Variants in AARS1 observed in about 807,000 individuals in gnomAD.
The protein encoded by AARS1 is alanyl-tRNA synthetase 1.
In AARS1, 72 loss-of-function variants were observed where a neutral mutation model predicts 108.9. The ratio of observed to expected loss-of-function variants is 0.66; its 90% CI spans 0.55 to 0.80. The LOEUF (loss-of-function observed/expected upper bound fraction) is 0.80. Among genes scored for constraint, AARS1 ranks in the 30% least tolerant of loss-of-function variants. The probability of loss-of-function intolerance (pLI) is 0.00; values close to 1 mark genes in which losing one functional copy is unlikely to be tolerated. For synonymous variants in AARS1, 489 were observed against 465.7 expected (o/e 1.05, Z -0.64); for missense variants, 1,193 against 1,233.2 (o/e 0.97, Z 0.49).
Position 70,253,250 on chromosome 16 carries a change from G to C in AARS1, c.2721+18C>G, listed in dbSNP as rs745456386. On this transcript the variant is annotated intron_variant, in intron 20 of 20. Transcript: ENST00000261772. ...CCTTAAGACCTAACACTTCCCACTG[G>C]TGCGAGGTGGTGCTGACCTGGGGAA... 3.8e-6 allele frequency: 6 copies of C among 1,580,258 alleles called. No individual in the cohort carries two copies. Among genetic ancestry groups the C allele is most frequent in the Non-Finnish European group, 5.2e-6 (6 of 1,149,648 alleles).
intron 4 of AARS1, among the ~76,000 whole-genome samples, chr16:70,274,091 T>C (rs1450212697): frequency 1.3e-5 from 2 of 150,680 alleles, no homozygotes; most frequent in Non-Finnish European, 3.0e-5. Flanking sequence ...ATCCCAGCAC[T>C]TTGGGAGGCC....
Position 70,259,004 on chromosome 16 carries a change from A to G in AARS1, c.1968T>C (p.Ala656=), listed in dbSNP as rs754924454. ...CCTTGGCTGCCTCAATCATCTCATT[A>G]GCAATCTCTTCAGCCTTCTTGATCT... ...TQQIKKAEEI[A]NEMIEAAKAV... The change falls in exon 14 of 21, where the codon GCT becomes GCC. Residue 656 remains alanine (A), a synonymous_variant. Transcript: ENST00000261772. The G allele has an allele frequency of 6.2e-7, 1 of 1,614,220 alleles. No homozygotes were observed. Among genetic ancestry groups the G allele is most frequent in the South Asian group, 1.1e-5 (1 of 91,088 alleles).
At chr16:70,262,097 C>G (rs1030872799) in intron 12 of AARS1, among the ~76,000 whole-genome samples, 4 of 152,176 alleles carry the variant, frequency 2.6e-5, no homozygotes, top group Non-Finnish European at 5.9e-5. Context: ...AGAGCTGCCT[C>G]TCCTTTTTAA....
chr16:70,264,318 C>G (rs1190815444), intron 11 of AARS1, among the ~76,000 whole-genome samples: 6 of 151,562 alleles, frequency 4.0e-5, no homozygotes, highest in Non-Finnish European at 1.5e-5. Context: ...TAATAGCATT[C>G]TTTTTCTTTT....
In AARS1 at chr16:70,261,055, A is replaced by G; in HGVS notation, c.1774T>C (p.Phe592Leu). 1.2e-6 allele frequency: 2 copies of G among 1,613,298 alleles called. No individual in the cohort carries two copies. Among genetic ancestry groups the G allele is most frequent in the Non-Finnish European group, 1.7e-6 (2 of 1,179,486 alleles). Reference sequence around the variant, plus strand: ...GTAACCCAACTCACCTCATCAATAAACAGCCAGACCTGATCCCCCACTTTC... The same window carrying G: ...GTAACCCAACTCACCTCATCAATAAGCAGCCAGACCTGATCCCCCACTTTC... ...DLKVGDQVWL[F>L]IDEPRRRPIM... The change falls in exon 13 of 21, where the codon TTT (phenylalanine) becomes CTT (leucine). Residue 592 changes from phenylalanine (F) to leucine (L), a missense_variant. Transcript: ENST00000261772.
chr16:70,280,911 T>G (rs1013356656), intron 2 of AARS1, among the ~76,000 whole-genome samples: 1 of 152,224 alleles, frequency 6.6e-6, no homozygotes, highest in East Asian at 1.9e-4. Flanking sequence ...CACCATAGCC[T>G]TGACCTCCCA....
chr16:70,272,303 G>C (rs925508165), intron 4 of AARS1, among the ~76,000 whole-genome samples: 5 of 151,774 alleles, frequency 3.3e-5, no homozygotes, highest in Admixed American at 2.0e-4. Flanking sequence ...TTGGGAGTTT[G>C]AGACCAGCCT....
At chr16:70,268,103 G>T (rs889014146) in intron 8 of AARS1, among the ~76,000 whole-genome samples, 168 bp downstream of exon 8, 2 of 152,222 alleles carry the variant, frequency 1.3e-5, no homozygotes, top group Non-Finnish European at 2.9e-5. Flanking sequence ...AGGAGACAGA[G>T]GTTGCAGTGA....
rs548985225 is a variant in AARS1, at chr16:70,275,679, C to T, written c.479+807G>A. Among the ~76,000 whole-genome samples the T allele has an allele frequency of 4.9e-4, 75 of 151,876 alleles. No individual in the cohort carries two copies. In the Middle Eastern group the frequency reaches 0.01, roughly 21 times the overall value. ...TCGGGAGGCTGAGGCAGGAGAATGG[C>T]GTGAACCTGGGAGGCGGAGCTTGCA... On this transcript the variant is annotated intron_variant, in intron 4 of 20. Transcript: ENST00000261772.
intron 7 of AARS1, among the ~76,000 whole-genome samples, chr16:70,268,748 C>T (rs961274547): frequency 6.6e-6 from 1 of 152,184 alleles, no homozygotes; most frequent in Admixed American, 6.6e-5. Flanking sequence ...AATCTCCTAT[C>T]AGGCAACTTT....
In AARS1 at chr16:70,258,085, C is replaced by T. The variant is rs367806417; in HGVS notation, c.2125G>A (p.Asp709Asn). The T allele has an allele frequency of 2.5e-6, 4 of 1,614,122 alleles. No homozygotes were observed. The highest frequency in any genetic ancestry group is 3.3e-5 in the Admixed American group (2 of 60,014). ...IGVPVSELLD[D>N]PSGPAGSLTS... ...AGGGAGCCAGCAGGCCCAGAGGGGT[C>T]ATCCAGCAACTCGGACACCGGGACC... is the stretch of plus-strand genomic sequence containing the variant. The change falls in exon 15 of 21, where the codon GAC becomes AAC. Residue 709 changes from aspartate (D) to asparagine (N), a missense_variant. Physicochemically the swap from Asp to Asn is conservative, Grantham distance 23. Transcript: ENST00000261772.
At chr16:70,272,428 C>T (rs907887237) in intron 4 of AARS1, among the ~76,000 whole-genome samples, 10 of 141,712 alleles carry the variant, frequency 7.1e-5, no homozygotes, top group Admixed American at 2.3e-4. Flanking sequence ...ATCACTAGAA[C>T]CCAGGAGGCA....
intron 4 of AARS1, among the ~76,000 whole-genome samples, chr16:70,273,426 C>A (rs983774648): frequency 6.6e-6 from 1 of 152,000 alleles, no homozygotes; most frequent in Non-Finnish European, 1.5e-5. Context: ...TACATTATGC[C>A]AAAAAAACTG....
At chr16:70,274,282 G>A (rs560069822) in intron 4 of AARS1, among the ~76,000 whole-genome samples, 10 of 148,636 alleles carry the variant, frequency 6.7e-5, no homozygotes, top group East Asian at 4.1e-4. Flanking sequence ...CGGAGGTTGC[G>A]GTGAGCCAAG....
At chr16:70,268,034 G>A (rs1433548712) in intron 8 of AARS1, among the ~76,000 whole-genome samples, 2 of 152,194 alleles carry the variant, frequency 1.3e-5, no homozygotes, top group Admixed American at 1.3e-4. Flanking sequence ...CAGGCTTGGC[G>A]GTGTGCACCT....
At chr16:70,280,239 C>A (rs558307817) in intron 2 of AARS1, among the ~76,000 whole-genome samples, 3 of 152,042 alleles carry the variant, frequency 2.0e-5, no homozygotes, top group Non-Finnish European at 4.4e-5. Context: ...TTTTTTGAGA[C>A]GGAGTCTCAC....
intron 11 of AARS1, among the ~76,000 whole-genome samples, chr16:70,264,366 G>C (rs1960214429): frequency 6.6e-6 from 1 of 151,530 alleles, no homozygotes; most frequent in South Asian, 2.1e-4. Flanking sequence ...GTCCAGGCTG[G>C]AGTGCAATGG....
At chr16:70,256,862 C>T (rs1960004435) in intron 15 of AARS1, among the ~76,000 whole-genome samples, 1 of 152,120 alleles carries the variant, frequency 6.6e-6, no homozygotes, top group South Asian at 2.1e-4. Flanking sequence ...CACCTGTAAT[C>T]TCAGCACTTT....
chr16:70,264,815 T>A lies in AARS1; in HGVS notation c.1492+143A>T, dbSNP rs139737980. On this transcript the variant is annotated intron_variant, in intron 11 of 20. Transcript: ENST00000261772. ...CTCCAGCCAAGGGTGCCTATGTGTATAAAAGTGCATAGCGTGACTGTACGG... is the reference window on the plus strand; with the variant it reads ...CTCCAGCCAAGGGTGCCTATGTGTAAAAAAGTGCATAGCGTGACTGTACGG... 2.2e-4 allele frequency: 223 copies of A among 997,756 alleles called. 1 individual carries two copies. The African/African-American group carries it at 3.2e-3, about 14-fold the overall frequency. 61.8% of individuals were successfully genotyped at this position (997,756 alleles called of 1,614,324 possible). A position where few individuals can be genotyped will look rare whatever the true frequency, so the allele number is the denominator to read the frequency against.
Sources: gnomAD v4.1 joint callset for allele counts (sites outside exome capture counted in the v4.1 genomes callset) on GRCh38, gnomAD v4.1.1 for gene constraint, MANE v1.5 for transcripts, NCBI Gene and HGNC (gene_info 2026-07-23, HGNC 2026-07-21) for gene names.